ADAM19: variants seen among roughly 807,000 people sequenced by gnomAD.
ADAM19 encodes the protein disintegrin and metalloproteinase domain-containing protein 19.
In ADAM19, 65 loss-of-function variants were observed where a neutral mutation model predicts 114.7. That is an observed-to-expected ratio of 0.57 (90% CI 0.46 to 0.70). ADAM19 has a LOEUF of 0.70. ADAM19 is among the 30% of genes least tolerant of loss of function. ADAM19 has a pLI of 0.00. For missense variants in ADAM19, 1,063 were observed against 1,204.7 expected (o/e 0.88, Z 1.74); for synonymous variants, 466 against 460.5 (o/e 1.01, Z -0.15).
chr5:157,555,327 C>T (rs1196374852), intron 3 of ADAM19, among the ~76,000 whole-genome samples: 1 of 152,202 alleles, frequency 6.6e-6, no homozygotes, highest in Non-Finnish European at 1.5e-5. Flanking sequence ...TACTTTTTAG[C>T]TATCACCATT....
At chr5:157,502,373 A>T (rs764387100) in intron 12 of ADAM19, among the ~76,000 whole-genome samples, 11 of 152,052 alleles carry the variant, frequency 7.2e-5, no homozygotes, top group Non-Finnish European at 1.3e-4. Context: ...CCTTTCCATC[A>T]TCTCTCCTCC....
chr5:157,503,358 G>A (rs1206179940), intron 11 of ADAM19, among the ~76,000 whole-genome samples: 1 of 152,136 alleles, frequency 6.6e-6, no homozygotes, highest in East Asian at 1.9e-4. Context: ...AGCAAGAGGC[G>A]GGGAGGGATA....
At chr5:157,522,985 T>C (rs1171447767) in intron 5 of ADAM19, among the ~76,000 whole-genome samples, 1 of 152,196 alleles carries the variant, frequency 6.6e-6, no homozygotes, top group Non-Finnish European at 1.5e-5. Flanking sequence ...TGCCAGGCAC[T>C]GTGTTTACAA....
chr5:157,517,017 T>C (rs1756111065), intron 7 of ADAM19, among the ~76,000 whole-genome samples: 1 of 152,144 alleles, frequency 6.6e-6, no homozygotes, highest in Non-Finnish European at 1.5e-5. Context: ...CTAAACGCTT[T>C]TCAAAGCAGA....
chr5:157,522,489 T>C (rs548333841), intron 5 of ADAM19, among the ~76,000 whole-genome samples: 1 of 152,154 alleles, frequency 6.6e-6, no homozygotes, highest in East Asian at 1.9e-4. Context: ...GCCTCAATCA[T>C]GATAGTCCTG....
chr5:157,498,394 C>G (rs1332635079), intron 13 of ADAM19, among the ~76,000 whole-genome samples: 1 of 152,238 alleles, frequency 6.6e-6, no homozygotes, highest in Non-Finnish European at 1.5e-5. Context: ...AGCTCCTTAA[C>G]CGGCAGCGGG....
At chr5:157,538,654 C>T (rs1756832399) in intron 3 of ADAM19, among the ~76,000 whole-genome samples, 1 of 152,194 alleles carries the variant, frequency 6.6e-6, no homozygotes, top group Non-Finnish European at 1.5e-5. Flanking sequence ...TGTTACTCTT[C>T]CAATAAATTC....
intron 17 of ADAM19, 24 bp from the exon 18 acceptor site, chr5:157,491,747 C>T (rs1431470615): frequency 6.2e-7 from 1 of 1,606,904 alleles, no homozygotes. Flanking sequence ...AGGGCAGAGG[C>T]ATCAGCACCC....
intron 1 of ADAM19, among the ~76,000 whole-genome samples, chr5:157,572,754 C>A (rs1757867759): frequency 6.6e-6 from 1 of 152,206 alleles, no homozygotes; most frequent in Non-Finnish European, 1.5e-5. Flanking sequence ...AGGAACAAGA[C>A]AAGCATACTG....
chr5:157,574,338 T>C lies in ADAM19; in HGVS notation c.94+1265A>G, dbSNP rs1304042495. Reference sequence around the variant, plus strand: ...AACTAGCTTTCCTTGTCTTTCTTCATGCTTTTCTCCTGCACTAAGCACTGA... The same window carrying C: ...AACTAGCTTTCCTTGTCTTTCTTCACGCTTTTCTCCTGCACTAAGCACTGA... On this transcript the variant is annotated intron_variant, in intron 1 of 22. Coordinates refer to ENST00000257527, the MANE Select transcript of ADAM19 (RefSeq NM_033274.5). Among the ~76,000 whole-genome samples, 4 of 152,176 alleles carry C rather than the reference T, an allele frequency of 2.6e-5. No homozygotes were observed. The East Asian group carries it at 7.7e-4, about 29-fold the overall frequency.
At chr5:157,564,484 G>T (rs768043258) in intron 2 of ADAM19, 41 bp from the exon 3 acceptor site, 1 of 1,585,522 alleles carries the variant, frequency 6.3e-7, no homozygotes, top group Non-Finnish European at 8.7e-7. Flanking sequence ...CTAAAAGCCG[G>T]CACCAGGCTC....
intron 3 of ADAM19, among the ~76,000 whole-genome samples, chr5:157,556,219 T>C (rs866375473): frequency 3.1e-4 from 40 of 130,704 alleles, no homozygotes; most frequent in Middle Eastern, 3.6e-3. Flanking sequence ...CTTTTTTTTT[T>C]TTTTTTTTTT....
intron 3 of ADAM19, among the ~76,000 whole-genome samples, chr5:157,552,303 T>C (rs996217775): frequency 6.6e-6 from 1 of 152,178 alleles, no homozygotes; most frequent in Non-Finnish European, 1.5e-5. Context: ...ACAACCACTA[T>C]GTCATGCTAC....
At chr5:157,503,083 C>G (rs778570666) in intron 11 of ADAM19, 103 bp from the exon 12 acceptor site, 493 of 1,073,116 alleles carry the variant, frequency 4.6e-4, no homozygotes, top group Non-Finnish European at 6.5e-4. Flanking sequence ...GCTGACTCCA[C>G]CTGGGTTCAG....
At chr5:157,564,341 T>C (rs750639921) in intron 3 of ADAM19, 32 bp downstream of exon 3, 2 of 1,606,558 alleles carry the variant, frequency 1.2e-6, no homozygotes, top group Admixed American at 3.3e-5. Flanking sequence ...AAGTTATTTG[T>C]TTCATTTTAG....
In ADAM19 at chr5:157,505,673, T is replaced by G. The variant is rs749202812; in HGVS notation, c.1126A>C (p.Thr376Pro). ...ADGGCIMAAA[T>P]GHPFPKVFNG... is the part of the protein sequence containing the mutation. ...CCCTCTTGCTGTTTGACTCACCCAGTGGCAGCTGCCATGATGCACCCACCA... is the reference window on the plus strand; with the variant it reads ...CCCTCTTGCTGTTTGACTCACCCAGGGGCAGCTGCCATGATGCACCCACCA... The change falls in exon 11 of 23, where the codon ACT (threonine) becomes CCT (proline). Residue 376 changes from threonine (T) to proline (P), a missense_variant. By Grantham distance (38) the Thr-to-Pro change is conservative (BLOSUM62 -1). Around this residue, in one of 3 missense-constraint regions of ADAM19, gnomAD observed 615 missense variants for 706.3 expected, o/e 0.87. Coordinates refer to ENST00000257527, the MANE Select transcript of ADAM19 (RefSeq NM_033274.5). The G allele has an allele frequency of 6.2e-7, 1 of 1,613,776 alleles. No homozygotes were observed. The highest frequency in any genetic ancestry group is 8.5e-7 in the Non-Finnish European group (1 of 1,179,912).
chr5:157,497,568 A>AAC (rs1755403222), intron 13 of ADAM19, among the ~76,000 whole-genome samples: 1 of 82,442 alleles, frequency 1.2e-5, no homozygotes, highest in Admixed American at 1.3e-4. Context: ...CAGGCCCACT[A>AAC]ATACACACAC....
chr5:157,556,376 G>A (rs1481977095), intron 3 of ADAM19, among the ~76,000 whole-genome samples: 1 of 151,776 alleles, frequency 6.6e-6, no homozygotes, highest in Admixed American at 6.6e-5. Context: ...GCACCACCAT[G>A]CCCAGCTAAT....
intron 3 of ADAM19, among the ~76,000 whole-genome samples, chr5:157,542,915 C>T (rs576498748): frequency 3.9e-5 from 6 of 152,274 alleles, no homozygotes; most frequent in Admixed American, 1.3e-4. Flanking sequence ...GAAAGATGTA[C>T]TATTTACAAT....
Sources: allele counts gnomAD v4.1 joint callset (sites outside exome capture counted in the v4.1 genomes callset), GRCh38; gene constraint gnomAD v4.1.1; regional missense constraint gnomAD v4.1.1; transcripts MANE v1.5; gene names NCBI Gene and HGNC (gene_info 2026-07-23, HGNC 2026-07-21).